The following AGBL4 variants were observed in gnomAD, a reference collection of about 807,000 sequenced individuals.
AGBL4 encodes cytosolic carboxypeptidase 6.
Under a neutral mutation model 66.4 loss-of-function variants are expected in AGBL4, and 58 were observed. That is an observed-to-expected ratio of 0.87 (90% confidence interval 0.71 to 1.09). AGBL4 has a LOEUF of 1.09. Among genes scored for constraint, AGBL4 ranks in the 50% least tolerant of loss-of-function variants. The probability of loss-of-function intolerance (pLI) is 0.00; values close to 1 mark genes in which losing one functional copy is unlikely to be tolerated. For missense variants in AGBL4, 579 were observed against 631.0 expected (o/e 0.92, Z 0.88); for synonymous variants, 234 against 222.9 (o/e 1.05, Z -0.44).
chr1:48,923,063 T>C (rs1034305041), intron 5 of AGBL4, among the ~76,000 whole-genome samples: 1 of 138,030 alleles, frequency 7.2e-6, no homozygotes, highest in Non-Finnish European at 1.5e-5. Context: ...ATAATGGATA[T>C]ATAAACAGAA....
intron 3 of AGBL4, among the ~76,000 whole-genome samples, chr1:49,553,051 T>C (rs1653095448): frequency 6.6e-6 from 1 of 152,210 alleles, no homozygotes; most frequent in South Asian, 2.1e-4. Context: ...GCAACCTACG[T>C]ATGAAAGGCT....
chr1:49,458,847 T>G (rs543595905), intron 3 of AGBL4, among the ~76,000 whole-genome samples: 1 of 152,008 alleles, frequency 6.6e-6, no homozygotes, highest in South Asian at 2.1e-4. Flanking sequence ...ATTGTGTTAA[T>G]GTGGTGTATC....
chr1:49,695,268 G>T (rs144696187), intron 3 of AGBL4, among the ~76,000 whole-genome samples: 1 of 152,154 alleles, frequency 6.6e-6, no homozygotes, highest in Non-Finnish European at 1.5e-5. Context: ...TTTTCCAGAG[G>T]TATGTGTTTG....
intron 1 of AGBL4, among the ~76,000 whole-genome samples, chr1:49,945,843 A>G (rs140098406): frequency 0.011 from 1,666 of 152,164 alleles, 12 homozygotes; most frequent in Non-Finnish European, 0.017. Flanking sequence ...ACATACATAA[A>G]CTGAAAGTAA....
At chr1:49,468,578 A>C (rs1342039572) in intron 3 of AGBL4, among the ~76,000 whole-genome samples, 2 of 151,806 alleles carry the variant, frequency 1.3e-5, no homozygotes, top group Non-Finnish European at 2.9e-5. Flanking sequence ...CCCATAATCT[A>C]TTCCTGTAAT....
chr1:48,576,358 A>T (rs1279765135), intron 11 of AGBL4, among the ~76,000 whole-genome samples: 1 of 151,844 alleles, frequency 6.6e-6, no homozygotes, highest in Non-Finnish European at 1.5e-5. Context: ...TCCATTGAAA[A>T]TTTTTCTCCC....
At chr1:48,999,910 G>A (rs764212323) in intron 5 of AGBL4, among the ~76,000 whole-genome samples, 58 of 152,044 alleles carry the variant, frequency 3.8e-4, no homozygotes, top group Non-Finnish European at 6.0e-4. Context: ...AGCCATACTT[G>A]GGTTCTTTCA....
chr1:49,028,488 A>G (rs1663918886), intron 5 of AGBL4, among the ~76,000 whole-genome samples: 1 of 152,206 alleles, frequency 6.6e-6, no homozygotes, highest in Non-Finnish European at 1.5e-5. Context: ...TTGAAGTAGG[A>G]TAAACTCATG....
chr1:49,358,884 GTTTCAAA>G (rs1644075658), intron 3 of AGBL4, among the ~76,000 whole-genome samples: 2 of 152,118 alleles, frequency 1.3e-5, no homozygotes, highest in African/African-American at 4.8e-5. Context: ...AAAAAATCAA[GTTTCAAA>G]GCCTACTACA....
intron 3 of AGBL4, among the ~76,000 whole-genome samples, chr1:49,594,432 G>C (rs537722142): frequency 1.3e-5 from 2 of 152,248 alleles, no homozygotes; most frequent in East Asian, 3.9e-4. Flanking sequence ...TGCCATGGGT[G>C]GTTTGCTGCA....
chr1:49,234,715 T>C (rs1398002020), intron 4 of AGBL4, among the ~76,000 whole-genome samples: 2 of 152,202 alleles, frequency 1.3e-5, no homozygotes, highest in Non-Finnish European at 2.9e-5. Flanking sequence ...TTGTCTTGAT[T>C]TTCTCCAGGG....
intron 1 of AGBL4, among the ~76,000 whole-genome samples, chr1:49,861,848 T>TAA (rs1411597432): frequency 6.6e-6 from 1 of 152,172 alleles, no homozygotes; most frequent in East Asian, 1.9e-4. Flanking sequence ...GGGTGCCCCC[T>TAA]AAAGCAGATA....
chr1:48,714,836 T>A (rs1162819767), intron 6 of AGBL4, among the ~76,000 whole-genome samples: 1 of 152,232 alleles, frequency 6.6e-6, no homozygotes, highest in Non-Finnish European at 1.5e-5. Context: ...ACTGAAGCTC[T>A]CATATTGCTG....
chr1:49,827,231 G>A (rs936147533), intron 2 of AGBL4, among the ~76,000 whole-genome samples: 1 of 151,986 alleles, frequency 6.6e-6, no homozygotes, highest in African/African-American at 2.4e-5. Context: ...ATTTCAGGGA[G>A]CTGGGGGAGT....
At chr1:49,156,918 T>A (rs1646442898) in intron 4 of AGBL4, among the ~76,000 whole-genome samples, 1 of 152,170 alleles carries the variant, frequency 6.6e-6, no homozygotes. Context: ...TGAAAGGTAT[T>A]ACTTAACATT....
chr1:49,494,263 A>G (rs1158236734), intron 3 of AGBL4, among the ~76,000 whole-genome samples: 2 of 151,734 alleles, frequency 1.3e-5, no homozygotes, highest in Middle Eastern at 3.2e-3. Flanking sequence ...TATGGTGAAT[A>G]TCTTTGCCTT....
intron 1 of AGBL4, among the ~76,000 whole-genome samples, chr1:49,887,104 A>G (rs1052661179): frequency 6.6e-6 from 1 of 151,514 alleles, no homozygotes; most frequent in Non-Finnish European, 1.5e-5. Flanking sequence ...AAGGTGGAGT[A>G]AACAAGTGTA....
intron 5 of AGBL4, among the ~76,000 whole-genome samples, chr1:48,918,248 T>C (rs1557459838): frequency 6.6e-6 from 1 of 152,234 alleles, no homozygotes; most frequent in Admixed American, 6.5e-5. Flanking sequence ...AGTTCCTTCA[T>C]ATGAAAGCTA....
At chr1:49,148,207 C>T (rs1646257173) in intron 4 of AGBL4, among the ~76,000 whole-genome samples, 3 of 152,092 alleles carry the variant, frequency 2.0e-5, no homozygotes, top group African/African-American at 7.2e-5. Flanking sequence ...TATTAATAAA[C>T]TTTATTACAC....
Sources: allele counts gnomAD v4.1 joint callset (sites outside exome capture counted in the v4.1 genomes callset), GRCh38; gene constraint gnomAD v4.1.1; transcripts MANE v1.5; gene names NCBI Gene and HGNC (gene_info 2026-07-23, HGNC 2026-07-21).